The following DSG1 variants were observed in gnomAD, a reference collection of about 807,000 sequenced individuals.
The protein encoded by DSG1 is desmoglein 1.
DSG1 carries 39 observed loss-of-function variants against 97.5 expected under a neutral mutation model. The observed-to-expected ratio is 0.40, with a 90% confidence interval of 0.31 to 0.52. The LOEUF is 0.52. Ranked by LOEUF, DSG1 falls within the 20% of genes least tolerant of loss-of-function variation. The probability of loss-of-function intolerance (pLI) is 0.53; values close to 1 mark genes in which losing one functional copy is unlikely to be tolerated. For missense variants in DSG1, 1,311 were observed against 1,295.4 expected (o/e 1.01, Z -0.18); for synonymous variants, 475 against 443.4 (o/e 1.07, Z -0.90).
At chr18:31,318,440 C>T (rs2071633646) in intron 1 of DSG1, 92 bp downstream of exon 1, 5 of 984,322 alleles carry the variant, frequency 5.1e-6, no homozygotes, top group South Asian at 3.8e-5. Context: ...TTATTTCTAA[C>T]CTAAACCCAT....
intron 1 of DSG1, among the ~76,000 whole-genome samples, chr18:31,324,746 T>G (rs2071675727): frequency 6.6e-6 from 1 of 152,156 alleles, no homozygotes; most frequent in Non-Finnish European, 1.5e-5. Context: ...GCGTACCTCC[T>G]TCTCACCTCC....
At chr18:31,347,574 G>A (rs1338735087) in intron 14 of DSG1, 1 of 152,210 alleles carries the variant, frequency 6.6e-6, no homozygotes. Flanking sequence ...GGCACAATGA[G>A]TTGGTTTCCT....
intron 11 of DSG1, among the ~76,000 whole-genome samples, chr18:31,342,970 G>GC (rs2071799912): frequency 6.9e-6 from 1 of 145,798 alleles, no homozygotes; most frequent in Non-Finnish European, 1.5e-5. Flanking sequence ...CACAACCACC[G>GC]CCCACCTCCC....
intron 13 of DSG1, among the ~76,000 whole-genome samples, chr18:31,344,406 TTTA>T (rs2071814430): frequency 6.6e-6 from 1 of 152,222 alleles, no homozygotes; most frequent in Non-Finnish European, 1.5e-5. Context: ...GCCGTGCTCA[TTTA>T]TTGAGGCTAA....
chr18:31,333,710 T>A lies in DSG1; in HGVS notation c.806T>A (p.Met269Lys), dbSNP rs766472053. ...GATGTCAATGATAATATCCCTTACA[T>A]GGAACAGTCTTCAGTAAGTATTTGT... ...ILDVNDNIPYMEQSSYTIEIQ... is the reference protein window; with the variant it reads ...ILDVNDNIPYKEQSSYTIEIQ... The change falls in exon 7 of 15, where the codon ATG (methionine) becomes AAG (lysine). Residue 269 changes from methionine to lysine, a missense_variant. Coordinates refer to ENST00000257192, the MANE Select transcript of DSG1 (RefSeq NM_001942.4). 6.2e-7 allele frequency: 1 copy of A among 1,613,732 alleles called. No individual in the cohort carries two copies. Among genetic ancestry groups the A allele is most frequent in the Admixed American group, 1.7e-5 (1 of 60,012 alleles).
chr18:31,346,137 C>A lies in DSG1; in HGVS notation c.2039C>A (p.Ser680Tyr), dbSNP rs771756989. ...TACTCTGGAACATTAAGAAGAAATT[C>A]TATGAGGGAATGTAGAGAAGGAGGT... ...QEYSGTLRRN[S>Y]MRECREGGLN... The change falls in exon 14 of 15, where the codon TCT (serine) becomes TAT (tyrosine). Residue 680 changes from serine (S) to tyrosine (Y), a missense_variant. Physicochemically the swap from Ser to Tyr is moderately radical, Grantham distance 144. Around this residue, in one of 3 missense-constraint regions of DSG1, gnomAD observed 1,038 missense variants for 964.6 expected, o/e 1.08. Transcript: ENST00000257192. The A allele has an allele frequency of 6.2e-6, 10 of 1,613,836 alleles. No homozygotes were observed. Among genetic ancestry groups the A allele is most frequent in the Non-Finnish European group, 8.5e-6 (10 of 1,179,822 alleles).
chr18:31,346,303 G>A (rs1434814486), intron 14 of DSG1, 105 bp downstream of exon 14: 8 of 935,640 alleles, frequency 8.6e-6, no homozygotes, highest in Non-Finnish European at 1.4e-5. Context: ...CTCCTAACTA[G>A]ATTCTCAGCC....
chr18:31,320,446 CTATT>C (rs909889468), intron 1 of DSG1, among the ~76,000 whole-genome samples: 20 of 152,136 alleles, frequency 1.3e-4, no homozygotes, highest in Admixed American at 1.0e-3. Context: ...AACTGGGTAA[CTATT>C]TGTTTGCAAG....
intron 9 of DSG1, 102 bp from the exon 10 acceptor site, chr18:31,338,213 T>TA (rs2071766962): frequency 8.8e-6 from 11 of 1,249,962 alleles, no homozygotes; most frequent in Non-Finnish European, 1.2e-5. Flanking sequence ...AAACTGTATC[T>TA]AGGGATTATA....
chr18:31,347,220 T>A (rs2071846770), intron 14 of DSG1, among the ~76,000 whole-genome samples: 1 of 152,230 alleles, frequency 6.6e-6, no homozygotes, highest in South Asian at 2.1e-4. Flanking sequence ...TAATGAGGCT[T>A]GTTGAAAACC....
Position 31,335,390 on chromosome 18 carries a change from C to T in DSG1, c.1006-964C>T, listed in dbSNP as rs930964. Among the ~76,000 whole-genome samples, 12 of 152,040 alleles carry T rather than the reference C, an allele frequency of 7.9e-5. 1 individual carries two copies. In the South Asian group the frequency reaches 2.5e-3, roughly 31 times the overall value. On this transcript the variant is annotated intron_variant, in intron 8 of 14. Transcript: ENST00000257192. The stretch of plus-strand genomic sequence containing the variant: ...AATTGGAGTCTAATCTATTTTGCCC[C>T]AAACTATTATATTACTTTAGAAAAT...
At chr18:31,337,543 G>A (rs756878366) in intron 9 of DSG1, among the ~76,000 whole-genome samples, 3 of 152,218 alleles carry the variant, frequency 2.0e-5, no homozygotes, top group Non-Finnish European at 2.9e-5. Flanking sequence ...TTAAGCCACC[G>A]CACTCAGCCC....
In DSG1 at chr18:31,334,021, C is replaced by G. The variant is rs776654926; in HGVS notation, c.824C>G (p.Thr275Ser). The G allele has an allele frequency of 6.3e-7, 1 of 1,597,716 alleles. No homozygotes were observed. The highest frequency in any genetic ancestry group is 1.7e-5 in the Admixed American group (1 of 59,970). The part of the protein sequence containing the change: ...NIPYMEQSSY[T>S]IEIQENTLNS... ...AGTTTTCACTTCTTGTTTCAGTATA[C>G]CATAGAAATTCAAGAAAATACTCTA... The change falls in exon 8 of 15, where the codon ACC (threonine) becomes AGC (serine). Residue 275 changes from threonine (T) to serine (S), a missense_variant. Thr to Ser is a moderately conservative substitution (Grantham distance 58). Transcript: ENST00000257192.
At chr18:31,352,530 G>A (rs1379294135) in intron 14 of DSG1, among the ~76,000 whole-genome samples, 4 of 150,374 alleles carry the variant, frequency 2.7e-5, no homozygotes, top group Non-Finnish European at 5.9e-5. Context: ...TTGCTAGATT[G>A]GGGAAGTTCT....
chr18:31,326,707 T>G lies in DSG1; in HGVS notation c.84+91T>G. On this transcript the variant is annotated intron_variant, in intron 2 of 14. Transcript: ENST00000257192. ...GTTTTCTGAAGAAAATGTATTCTCATAAGTCAAGTTCATATAATGCTAAAA... is the reference window on the plus strand; with the variant it reads ...GTTTTCTGAAGAAAATGTATTCTCAGAAGTCAAGTTCATATAATGCTAAAA... 2.2e-6 allele frequency: 3 copies of G among 1,349,492 alleles called. No individual in the cohort carries two copies. The East Asian group carries it at 7.0e-5, about 31-fold the overall frequency. The allele number at this position is 1,349,492 out of a possible 1,614,324, so 83.6% of individuals were successfully genotyped here. A position where few individuals can be genotyped will look rare whatever the true frequency, so the allele number is the denominator to read the frequency against.
intron 5 of DSG1, among the ~76,000 whole-genome samples, chr18:31,330,413 T>A (rs2071713359): frequency 6.6e-6 from 1 of 152,138 alleles, no homozygotes; most frequent in Non-Finnish European, 1.5e-5. Context: ...TTTTTAAAGT[T>A]AGCTACTTTA....
chr18:31,354,780 G>C lies in DSG1; in HGVS notation c.2584G>C (p.Val862Leu), dbSNP rs201083341. 1.9e-6 allele frequency: 3 copies of C among 1,614,176 alleles called. No individual in the cohort carries two copies. Among genetic ancestry groups the C allele is most frequent in the Non-Finnish European group, 2.5e-6 (3 of 1,180,022 alleles). Residue 862 changes from valine to leucine, a missense_variant, in exon 15 of 15, where the codon GTG (valine) becomes CTG (leucine). This residue lies in a region of DSG1 where 1,038 missense variants were observed against 964.6 expected (regional missense o/e 1.08). Transcript: ENST00000257192. ...HVHDNRPASN[V>L]VVTERVVGPI... The stretch of plus-strand genomic sequence containing the variant: ...TCACGATAACCGACCAGCATCAAAC[G>C]TGGTAGTGACAGAGAGAGTGGTCGG...
intron 14 of DSG1, among the ~76,000 whole-genome samples, chr18:31,350,503 C>A (rs1213413585): frequency 6.6e-5 from 10 of 150,814 alleles, no homozygotes; most frequent in Non-Finnish European, 1.2e-4. Context: ...AGGGAGGATT[C>A]TCTCTTTTTC....
chr18:31,340,030 G>A lies in DSG1; in HGVS notation c.1687+5G>A, dbSNP rs1347573692. On this transcript the variant is annotated splice_donor_5th_base_variant and intron_variant, in intron 11 of 14. Transcript: ENST00000257192. ...TGGGATTCTTGGTCTTAGGATGTAA[G>A]TACTTTAGCAATCCTATGTATATGT... 1 of 1,613,796 alleles carries A rather than the reference G, an allele frequency of 6.2e-7. No individual in the cohort carries two copies. The highest frequency in any genetic ancestry group is 8.5e-7 in the Non-Finnish European group (1 of 1,179,900).
Sources: gnomAD v4.1 joint callset for allele counts (sites outside exome capture counted in the v4.1 genomes callset) on GRCh38, gnomAD v4.1.1 for gene constraint, gnomAD v4.1.1 regional missense constraint, MANE v1.5 for transcripts, NCBI Gene and HGNC (gene_info 2026-07-23, HGNC 2026-07-21) for gene names.